Variants in RYR2 observed in about 807,000 individuals in gnomAD.
The protein encoded by RYR2 is cardiac muscle ryanodine receptor-calcium release channel.
In RYR2, 227 loss-of-function variants were observed where a neutral mutation model predicts 601.1. That is an observed-to-expected ratio of 0.38 (90% confidence interval 0.34 to 0.42). The LOEUF is 0.42. Ranked by LOEUF, RYR2 falls within the 10% of genes least tolerant of loss-of-function variation. The pLI, the probability that RYR2 is intolerant of heterozygous loss-of-function variation, is 1.00. For synonymous variants in RYR2, 2,223 were observed against 2,175.1 expected, an observed-to-expected ratio of 1.02 and a Z score of -0.61; for missense variants, 4,646 against 6,156.5, an observed-to-expected ratio of 0.75 and a Z score of 8.21.
At chr1:237,630,475 C>G (rs922005450) in intron 41 of RYR2, among the ~76,000 whole-genome samples, 6 of 152,082 alleles carry the variant, frequency 3.9e-5, no homozygotes, top group Admixed American at 2.0e-4. Flanking sequence ...AAAAATCATA[C>G]TATCCCACTT....
intron 25 of RYR2, among the ~76,000 whole-genome samples, chr1:237,538,977 C>G (rs1356903917): frequency 6.6e-6 from 1 of 152,014 alleles, no homozygotes; most frequent in Non-Finnish European, 1.5e-5. Flanking sequence ...TTAGGGAGAA[C>G]AAGACATAGG....
intron 68 of RYR2, among the ~76,000 whole-genome samples, chr1:237,707,663 G>A (rs1027698616): frequency 1.3e-5 from 2 of 152,158 alleles, no homozygotes; most frequent in African/African-American, 2.4e-5. Flanking sequence ...TACAATTATT[G>A]CATTATTTGT....
In RYR2 at chr1:237,369,486, C is replaced by G. The variant is rs777121632; in HGVS notation, c.310-48C>G. 36 of 1,470,046 alleles carry G rather than the reference C, an allele frequency of 2.4e-5. No individual in the cohort carries two copies. The Admixed American group carries it at 3.5e-4, about 14-fold the overall frequency. The allele number at this position is 1,470,046 out of a possible 1,614,324, so 91.1% of individuals were successfully genotyped here. ...ATTTTATCAACTTGGTTAAGTTACT[C>G]TTTTGTGTTTTTCTCTCTTGTTCTC... is the stretch of plus-strand genomic sequence containing the variant. On this transcript the variant is annotated intron_variant, in intron 5 of 104. Coordinates refer to ENST00000366574, the MANE Select transcript of RYR2 (RefSeq NM_001035.3).
intron 1 of RYR2, among the ~76,000 whole-genome samples, chr1:237,248,096 AC>A (rs1687047265): frequency 6.6e-6 from 1 of 151,968 alleles, no homozygotes; most frequent in South Asian, 2.1e-4. Context: ...ACATGGTGAA[AC>A]CCTGTCTCTA....
chr1:237,414,207 C>T (rs1558777782), intron 10 of RYR2, among the ~76,000 whole-genome samples: 1 of 143,386 alleles, frequency 7.0e-6, no homozygotes, highest in Non-Finnish European at 1.5e-5. Context: ...CACAGACGTG[C>T]ACAATGTCTA....
chr1:237,232,938 A>G (rs1685154411), intron 1 of RYR2, among the ~76,000 whole-genome samples: 1 of 152,210 alleles, frequency 6.6e-6, no homozygotes, highest in Admixed American at 6.5e-5. Flanking sequence ...GGACAGAAAG[A>G]TTTTGAATGC....
At chr1:237,413,895 T>C (rs553745519) in intron 10 of RYR2, among the ~76,000 whole-genome samples, 18 of 152,198 alleles carry the variant, frequency 1.2e-4, no homozygotes, top group Non-Finnish European at 2.9e-5. Context: ...CTGTGAATCA[T>C]AGACTTGTTA....
chr1:237,413,391 C>T (rs1704628072), intron 10 of RYR2, among the ~76,000 whole-genome samples: 1 of 151,932 alleles, frequency 6.6e-6, no homozygotes, highest in African/African-American at 2.4e-5. Context: ...ATAAAAATAC[C>T]ATTAGATTTT....
intron 1 of RYR2, among the ~76,000 whole-genome samples, chr1:237,154,842 GT>G (rs1452561336): frequency 3.3e-5 from 5 of 152,304 alleles, no homozygotes; most frequent in African/African-American, 1.2e-4. Context: ...TTTTAAAACA[GT>G]TGTTAAAGTT....
chr1:237,127,750 C>G (rs539455574), intron 1 of RYR2, among the ~76,000 whole-genome samples: 2 of 143,418 alleles, frequency 1.4e-5, no homozygotes, highest in Admixed American at 1.4e-4. Flanking sequence ...CCAGACGGGG[C>G]GGCGGGGCAG....
At chr1:237,751,738 G>A (rs16835718) in intron 80 of RYR2, among the ~76,000 whole-genome samples, 3,300 of 152,256 alleles carry the variant, frequency 0.022, 128 homozygotes, top group African/African-American at 0.074. Context: ...TTTTTACAGA[G>A]TGTTAAAGAG....
intron 1 of RYR2, among the ~76,000 whole-genome samples, chr1:237,067,308 G>T (rs1286166532): frequency 1.3e-5 from 2 of 151,990 alleles, no homozygotes; most frequent in Non-Finnish European, 2.9e-5. Context: ...ATCTGATTTT[G>T]AGTTAATTTT....
intron 24 of RYR2, among the ~76,000 whole-genome samples, chr1:237,516,334 G>T (rs1302986042): frequency 2.6e-5 from 4 of 152,036 alleles, no homozygotes; most frequent in African/African-American, 9.6e-5. Flanking sequence ...GGCCAGGCTG[G>T]TCTCAAACCC....
chr1:237,524,314 C>A (rs1667369229), intron 24 of RYR2, among the ~76,000 whole-genome samples: 1 of 152,086 alleles, frequency 6.6e-6, no homozygotes, highest in South Asian at 2.1e-4. Flanking sequence ...CAGAAGACTC[C>A]ATATTGTGTA....
intron 98 of RYR2, among the ~76,000 whole-genome samples, chr1:237,805,177 G>A (rs546191828): frequency 1.6e-4 from 25 of 152,282 alleles, no homozygotes; most frequent in African/African-American, 6.0e-4. Flanking sequence ...GACAATTCCT[G>A]AAACACTTTA....
intron 42 of RYR2, among the ~76,000 whole-genome samples, chr1:237,631,820 G>A (rs745558576): frequency 2.6e-5 from 4 of 151,242 alleles, no homozygotes; most frequent in South Asian, 2.1e-4. Context: ...AGTAGAGACG[G>A]GGTTTCACTG....
intron 1 of RYR2, among the ~76,000 whole-genome samples, chr1:237,043,240 G>A (rs1558131870): frequency 6.6e-6 from 1 of 152,144 alleles, no homozygotes; most frequent in Non-Finnish European, 1.5e-5. Context: ...CATCCGTGGT[G>A]GTGCTGTGAC....
chr1:237,679,949 G>A (rs1461825168), intron 61 of RYR2, among the ~76,000 whole-genome samples: 1 of 152,190 alleles, frequency 6.6e-6, no homozygotes, highest in Admixed American at 6.5e-5. Context: ...GAAATGGAAA[G>A]TGCACTTTAA....
At chr1:237,459,850 A>T (rs1383228876) in intron 16 of RYR2, among the ~76,000 whole-genome samples, 1 of 152,192 alleles carries the variant, frequency 6.6e-6, no homozygotes, top group Non-Finnish European at 1.5e-5. Context: ...CTTTTACTGG[A>T]ACATGGCTAG....
Sources: allele counts gnomAD v4.1 joint callset (sites outside exome capture counted in the v4.1 genomes callset), GRCh38; gene constraint gnomAD v4.1.1; transcripts MANE v1.5; gene names NCBI Gene and HGNC (gene_info 2026-07-23, HGNC 2026-07-21).